ZNF385D: variants seen among roughly 807,000 people sequenced by gnomAD.
The protein encoded by ZNF385D is zinc finger protein 659.
In ZNF385D, 15 loss-of-function variants were observed where a neutral mutation model predicts 35.8. The ratio of observed to expected loss-of-function variants is 0.42; its 90% CI spans 0.28 to 0.64. ZNF385D has a LOEUF of 0.64. Among genes scored for constraint, ZNF385D ranks in the 30% least tolerant of loss-of-function variants. The pLI is 0.23. For missense variants in ZNF385D, 474 were observed against 494.6 expected (o/e 0.96, Z 0.39); for synonymous variants, 212 against 186.8 (o/e 1.13, Z -1.10).
At chr3:22,045,959 C>T (rs776921152) in intron 3 of ZNF385D, among the ~76,000 whole-genome samples, 86 of 151,690 alleles carry the variant, frequency 5.7e-4, no homozygotes, top group Middle Eastern at 6.8e-3. Context: ...CTATTCATAT[C>T]AATTGCCTCC....
At chr3:21,810,998 G>GTGTATATATATATATA (rs576386621) in intron 3 of ZNF385D, among the ~76,000 whole-genome samples, 1 of 144,454 alleles carries the variant, frequency 6.9e-6, no homozygotes, top group Non-Finnish European at 1.5e-5. Flanking sequence ...GTGTGTGTGT[G>GTGTATATATATATATA]TATATATATA....
chr3:21,805,186 G>C (rs1261723522), intron 3 of ZNF385D, among the ~76,000 whole-genome samples: 1 of 152,192 alleles, frequency 6.6e-6, no homozygotes. Context: ...TAATTTAAGA[G>C]AAGGTTGTCT....
chr3:22,173,263 T>C (rs571011165), intron 2 of ZNF385D, among the ~76,000 whole-genome samples: 1 of 152,208 alleles, frequency 6.6e-6, no homozygotes, highest in East Asian at 1.9e-4. Context: ...GGCCTTGAAA[T>C]AAAACATGGA....
chr3:22,128,483 T>G (rs931617586), intron 3 of ZNF385D, among the ~76,000 whole-genome samples: 1 of 152,170 alleles, frequency 6.6e-6, no homozygotes, highest in East Asian at 1.9e-4. Flanking sequence ...TTCTCACCAA[T>G]AGCTCCTCTT....
chr3:22,194,345 G>A (rs2125230906), intron 2 of ZNF385D, among the ~76,000 whole-genome samples: 1 of 151,646 alleles, frequency 6.6e-6, no homozygotes, highest in Admixed American at 6.6e-5. Flanking sequence ...TGTTGTTTTG[G>A]GTTTTTTGAA....
At chr3:21,573,462 G>A (rs2063394515) in intron 2 of ZNF385D, among the ~76,000 whole-genome samples, 2 of 152,210 alleles carry the variant, frequency 1.3e-5, no homozygotes, top group Admixed American at 1.3e-4. Flanking sequence ...ACCAAGTAAT[G>A]TTGAAAGTAA....
intron 5 of ZNF385D, among the ~76,000 whole-genome samples, chr3:21,426,145 T>A (rs531760193): frequency 1.3e-5 from 2 of 152,198 alleles, no homozygotes; most frequent in African/African-American, 4.8e-5. Context: ...GAAGTGGCAC[T>A]AATTAAATAC....
At chr3:22,151,288 G>C (rs1049014749) in intron 3 of ZNF385D, among the ~76,000 whole-genome samples, 1 of 152,130 alleles carries the variant, frequency 6.6e-6, no homozygotes, top group Non-Finnish European at 1.5e-5. Flanking sequence ...AGACTTACCT[G>C]TAATGAATCA....
At chr3:22,324,052 A>G (rs189156823) in intron 2 of ZNF385D, among the ~76,000 whole-genome samples, 36 of 151,840 alleles carry the variant, frequency 2.4e-4, no homozygotes, top group African/African-American at 8.7e-4. Context: ...AAGCTCCTAA[A>G]ATGACATTTG....
At chr3:22,329,096 A>AAAG (rs1694815748) in intron 2 of ZNF385D, among the ~76,000 whole-genome samples, 1 of 151,436 alleles carries the variant, frequency 6.6e-6, no homozygotes, top group African/African-American at 2.4e-5. Context: ...AAAAAAAAAA[A>AAAG]AGAGTTTATT....
chr3:22,104,074 G>A (rs577149536), intron 3 of ZNF385D, among the ~76,000 whole-genome samples: 2 of 152,188 alleles, frequency 1.3e-5, no homozygotes, highest in South Asian at 2.1e-4. Flanking sequence ...AGGGACGTAT[G>A]TGAGAACTTG....
intron 3 of ZNF385D, among the ~76,000 whole-genome samples, chr3:21,952,879 G>T (rs1559786451): frequency 6.6e-6 from 1 of 151,858 alleles, no homozygotes. Context: ...TGATGCCAAA[G>T]GTAGAATTGC....
intron 2 of ZNF385D, among the ~76,000 whole-genome samples, chr3:22,198,861 T>C (rs1183620238): frequency 6.6e-6 from 1 of 152,102 alleles, no homozygotes; most frequent in Non-Finnish European, 1.5e-5. Flanking sequence ...TCAGCTGTTA[T>C]TAGATTCATC....
intron 4 of ZNF385D, among the ~76,000 whole-genome samples, chr3:21,503,206 C>A (rs1210248516): frequency 1.3e-5 from 2 of 152,104 alleles, no homozygotes; most frequent in Admixed American, 1.3e-4. Flanking sequence ...TAGCGTACAT[C>A]AGGAACAGGT....
chr3:22,239,777 G>A (rs1304329573), intron 2 of ZNF385D, among the ~76,000 whole-genome samples: 1 of 150,952 alleles, frequency 6.6e-6, no homozygotes, highest in Admixed American at 6.6e-5. Context: ...TCTCCAGAGA[G>A]TTACAATCAG....
intron 3 of ZNF385D, among the ~76,000 whole-genome samples, chr3:21,901,906 A>G (rs1238801760): frequency 6.6e-6 from 1 of 152,138 alleles, no homozygotes; most frequent in African/African-American, 2.4e-5. Context: ...CGTTCAGTCT[A>G]GTATTAAAAC....
At chr3:22,115,447 A>T (rs909238970) in intron 3 of ZNF385D, among the ~76,000 whole-genome samples, 3 of 152,090 alleles carry the variant, frequency 2.0e-5, no homozygotes, top group African/African-American at 7.2e-5. Flanking sequence ...TTGAGCCCAA[A>T]TTATTTTATG....
chr3:21,458,259 G>T (rs531329502), intron 4 of ZNF385D, among the ~76,000 whole-genome samples: 1 of 150,530 alleles, frequency 6.6e-6, no homozygotes, highest in Non-Finnish European at 1.5e-5. Flanking sequence ...AATCACTTGA[G>T]CCCAAGAGTT....
At chr3:21,761,673 G>A (rs1348235175) in intron 3 of ZNF385D, among the ~76,000 whole-genome samples, 2 of 152,100 alleles carry the variant, frequency 1.3e-5, no homozygotes, top group Non-Finnish European at 2.9e-5. Flanking sequence ...AAGAGTGCAT[G>A]TCAACTCTCA....
Sources: allele counts gnomAD v4.1 joint callset (sites outside exome capture counted in the v4.1 genomes callset), GRCh38; gene constraint gnomAD v4.1.1; transcripts MANE v1.5; gene names NCBI Gene and HGNC (gene_info 2026-07-23, HGNC 2026-07-21).